Variants in ITGBL1 observed in about 807,000 individuals in gnomAD.
ITGBL1 encodes integrin beta-like protein 1.
ITGBL1 carries 51 observed loss-of-function variants against 68.5 expected under a neutral mutation model. The ratio of observed to expected loss-of-function variants is 0.74; its 90% CI spans 0.59 to 0.94. ITGBL1 has a LOEUF of 0.94. Ranked by LOEUF, ITGBL1 falls within the 40% of genes least tolerant of loss-of-function variation. The pLI is 0.00. For missense variants in ITGBL1, 649 were observed against 647.4 expected, an observed-to-expected ratio of 1.00 and a Z score of -0.03; for synonymous variants, 209 against 227.3, an observed-to-expected ratio of 0.92 and a Z score of 0.72.
intron 7 of ITGBL1, among the ~76,000 whole-genome samples, chr13:101,671,659 C>T (rs1444042842): frequency 6.6e-6 from 1 of 150,826 alleles, no homozygotes; most frequent in Non-Finnish European, 1.5e-5. Context: ...AGGATGGTCT[C>T]GATCTCCTGA....
rs1280905775 is a variant in ITGBL1 at position 101,590,935 on chromosome 13, C to T, written c.869-7218C>T. Among the ~76,000 whole-genome samples, 3 of 152,018 alleles carry T rather than the reference C, an allele frequency of 2.0e-5. 1 individual carries two copies. The highest frequency in any genetic ancestry group is 1.3e-4 in the Admixed American group (2 of 15,272). ...TTTGTTTTTTTTGAGTTGGAATTTC[C>T]CTGTGTCACACAGGCTGGCGTGCAG... is the stretch of plus-strand genomic sequence containing the variant. On this transcript the variant is annotated intron_variant, in intron 6 of 10. Coordinates refer to ENST00000376180, the MANE Select transcript of ITGBL1 (RefSeq NM_004791.3).
At chr13:101,537,398 A>T (rs2049598111) in intron 2 of ITGBL1, among the ~76,000 whole-genome samples, 1 of 152,074 alleles carries the variant, frequency 6.6e-6, no homozygotes, top group Non-Finnish European at 1.5e-5. Context: ...TATGAAACTT[A>T]ATCTTTAGAA....
chr13:101,556,393 T>G (rs1344917078), intron 2 of ITGBL1, among the ~76,000 whole-genome samples: 1 of 152,194 alleles, frequency 6.6e-6, no homozygotes, highest in Non-Finnish European at 1.5e-5. Flanking sequence ...TCCCAGCACT[T>G]TGGGAGGCCG....
intron 2 of ITGBL1, among the ~76,000 whole-genome samples, chr13:101,473,674 G>GGCA (rs752429297): frequency 3.9e-5 from 6 of 152,154 alleles, no homozygotes; most frequent in Non-Finnish European, 8.8e-5. Context: ...CACCAGCCAG[G>GGCA]GCAGCCAAGG....
chr13:101,639,984 C>T (rs1262669056), intron 7 of ITGBL1, among the ~76,000 whole-genome samples: 1 of 152,148 alleles, frequency 6.6e-6, no homozygotes, highest in Non-Finnish European at 1.5e-5. Flanking sequence ...TTAAATACAG[C>T]ATGTGGACCC....
At chr13:101,458,708 T>A (rs1377962682) in intron 2 of ITGBL1, among the ~76,000 whole-genome samples, 1 of 152,254 alleles carries the variant, frequency 6.6e-6, no homozygotes, top group African/African-American at 2.4e-5. Flanking sequence ...TTAAATCATC[T>A]CTTGATTACA....
chr13:101,716,720 G>C (rs1181547007), downstream of ITGBL1: 1 of 150,794 alleles, frequency 6.6e-6, no homozygotes, highest in Non-Finnish European at 1.5e-5. Flanking sequence ...GGAAACCTGG[G>C]GTCATGCAAA....
At chr13:101,581,927 C>T (rs2050464570) in intron 5 of ITGBL1, among the ~76,000 whole-genome samples, 1 of 152,172 alleles carries the variant, frequency 6.6e-6, no homozygotes, top group South Asian at 2.1e-4. Flanking sequence ...TTTACCGAGT[C>T]TGGATCCAAC....
At chr13:101,580,404 C>T (rs1239779895) in intron 5 of ITGBL1, among the ~76,000 whole-genome samples, 1 of 151,138 alleles carries the variant, frequency 6.6e-6, no homozygotes, top group Non-Finnish European at 1.5e-5. Context: ...CTAAATCTTA[C>T]TATATATCAT....
At position 101,583,348 on chromosome 13, in the gene ITGBL1, T is replaced by G. The variant is rs146594694; in HGVS notation, c.860T>G (p.Phe287Cys). 1 of 1,581,198 alleles carries G rather than the reference T, an allele frequency of 6.3e-7. No individual in the cohort carries two copies. The highest frequency in any genetic ancestry group is 8.6e-7 in the Non-Finnish European group (1 of 1,164,186). The stretch of plus-strand genomic sequence containing the variant: ...GTCTATGACCGATATTCTGATGACT[T>G]CTGTTCAGGTAAGGGCTCTTCCAAT... ...RAVYDRYSDD[F>C]CSGHGQCNCG... is the part of the protein sequence containing the mutation. Residue 287 changes from phenylalanine (F) to cysteine (C), a missense_variant, in exon 6 of 11, where the codon TTC (phenylalanine) becomes TGC (cysteine). Transcript: ENST00000376180.
intron 8 of ITGBL1, among the ~76,000 whole-genome samples, chr13:101,700,238 C>T (rs1426213969): frequency 6.6e-6 from 1 of 152,184 alleles, no homozygotes; most frequent in Non-Finnish European, 1.5e-5. Flanking sequence ...TGCCCTCAAC[C>T]TCTTTCTCCT....
At chr13:101,575,615 A>G in intron 4 of ITGBL1, 69 bp downstream of exon 4, 3 of 1,486,386 alleles carry the variant, frequency 2.0e-6, no homozygotes, top group South Asian at 2.4e-5. Flanking sequence ...TTGTTCTTTT[A>G]TCTCTACATA....
At chr13:101,620,677 C>T (rs998433847) in intron 7 of ITGBL1, among the ~76,000 whole-genome samples, 3 of 152,098 alleles carry the variant, frequency 2.0e-5, no homozygotes, top group Non-Finnish European at 2.9e-5. Flanking sequence ...TTTCCAGAGC[C>T]ACTGGACATG....
At chr13:101,705,232 G>T (rs2034229631) in intron 8 of ITGBL1, among the ~76,000 whole-genome samples, 1 of 146,908 alleles carries the variant, frequency 6.8e-6, no homozygotes, top group South Asian at 2.2e-4. Context: ...TTGTTGCATG[G>T]CCTGTGAGGT....
At chr13:101,691,955 A>G (rs905710103) in intron 7 of ITGBL1, among the ~76,000 whole-genome samples, 30 of 152,214 alleles carry the variant, frequency 2.0e-4, no homozygotes, top group African/African-American at 6.8e-4. Context: ...GCATAATGGG[A>G]CTAGTTAAGG....
intron 8 of ITGBL1, among the ~76,000 whole-genome samples, chr13:101,694,752 A>C (rs976360758): frequency 3.9e-5 from 6 of 152,008 alleles, no homozygotes; most frequent in Non-Finnish European, 8.8e-5. Context: ...TTTTCTGTCT[A>C]TTTGTTGCTT....
Position 101,706,780 on chromosome 13 carries a change from G to T in ITGBL1, c.1157G>T (p.Arg386Leu). The change falls in exon 9 of 11, where the codon CGC becomes CTC. Residue 386 changes from arginine (R) to leucine (L), a missense_variant. Physicochemically the swap from Arg to Leu is moderately radical, Grantham distance 102. Coordinates refer to ENST00000376180, the MANE Select transcript of ITGBL1 (RefSeq NM_004791.3). ...GGCCACGGCACATGTTCCTGTGGTC[G>T]CTGTGTTTGTGAGAGAGGATGGTTT... ...CGGHGTCSCG[R>L]CVCERGWFGK... The T allele has an allele frequency of 6.2e-7, 1 of 1,614,044 alleles. No homozygotes were observed. The highest frequency in any genetic ancestry group is 8.5e-7 in the Non-Finnish European group (1 of 1,179,958).
At chr13:101,682,022 T>C (rs1026571532) in intron 7 of ITGBL1, among the ~76,000 whole-genome samples, 2 of 152,190 alleles carry the variant, frequency 1.3e-5, no homozygotes, top group African/African-American at 4.8e-5. Context: ...TTGACAACTT[T>C]CCATAAGGCA....
chr13:101,465,054 T>G (rs780778521), intron 2 of ITGBL1, among the ~76,000 whole-genome samples: 1 of 152,216 alleles, frequency 6.6e-6, no homozygotes, highest in Non-Finnish European at 1.5e-5. Flanking sequence ...ATAATTGGAT[T>G]CTTTTTTCAC....
Sources: gnomAD v4.1 joint callset for allele counts (sites outside exome capture counted in the v4.1 genomes callset) on GRCh38, gnomAD v4.1.1 for gene constraint, MANE v1.5 for transcripts, NCBI Gene and HGNC (gene_info 2026-07-23, HGNC 2026-07-21) for gene names.